Variants in PCSK5 observed in about 807,000 individuals in gnomAD.
PCSK5 encodes prohormone convertase 5.
A neutral mutation model predicts 233.2 loss-of-function variants in PCSK5; 129 were observed. The ratio of observed to expected loss-of-function variants is 0.55; its 90% CI spans 0.48 to 0.64. PCSK5 has a LOEUF of 0.64. Among genes scored for constraint, PCSK5 ranks in the 30% least tolerant of loss-of-function variants. PCSK5 has a pLI of 0.00. For missense variants in PCSK5, 2,076 were observed against 2,430.1 expected, an observed-to-expected ratio of 0.85 and a Z score of 3.06; for synonymous variants, 825 against 879.2, an observed-to-expected ratio of 0.94 and a Z score of 1.09.
intron 7 of PCSK5, among the ~76,000 whole-genome samples, chr9:76,079,039 G>A (rs182200485): frequency 1.3e-3 from 203 of 151,076 alleles, no homozygotes; most frequent in African/African-American, 4.4e-3. Flanking sequence ...CATCTTTCAC[G>A]TCCTTGGTTA....
chr9:76,346,308 C>A (rs1829980065), intron 35 of PCSK5, among the ~76,000 whole-genome samples: 1 of 152,130 alleles, frequency 6.6e-6, no homozygotes, highest in Non-Finnish European at 1.5e-5. Context: ...TATAGAAATA[C>A]TATGAATGTC....
chr9:76,136,559 G>T (rs1283525385), intron 10 of PCSK5, among the ~76,000 whole-genome samples: 1 of 152,032 alleles, frequency 6.6e-6, no homozygotes, highest in Non-Finnish European at 1.5e-5. Context: ...GAAGTTGCCT[G>T]CCTACAGAAG....
chr9:76,238,907 A>G, intron 22 of PCSK5, 52 bp from the exon 23 acceptor site: 1 of 1,313,304 alleles, frequency 7.6e-7, no homozygotes, highest in Non-Finnish European at 1.1e-6. Flanking sequence ...TAATAGCTTC[A>G]TGGCTAACTT....
At chr9:76,317,442 T>C (rs983611294) in intron 30 of PCSK5, among the ~76,000 whole-genome samples, 4 of 152,258 alleles carry the variant, frequency 2.6e-5, no homozygotes, top group African/African-American at 9.6e-5. Flanking sequence ...TATTTTTGTT[T>C]ACTGAATGCA....
chr9:76,128,460 G>A (rs970755111), intron 9 of PCSK5, among the ~76,000 whole-genome samples: 1 of 152,144 alleles, frequency 6.6e-6, no homozygotes, highest in Non-Finnish European at 1.5e-5. Context: ...AGCTTATGTA[G>A]CAAAGTATTT....
intron 2 of PCSK5, 138 bp downstream of exon 2, chr9:75,932,621 A>G (rs1452542346): frequency 4.8e-6 from 3 of 623,438 alleles, no homozygotes; most frequent in East Asian, 2.8e-5. Context: ...TCTAGTGTCT[A>G]TGCTTCCTCT....
intron 1 of PCSK5, among the ~76,000 whole-genome samples, chr9:75,891,869 G>C (rs1045072009): frequency 6.6e-6 from 1 of 152,078 alleles, no homozygotes; most frequent in Non-Finnish European, 1.5e-5. Flanking sequence ...TCTTGGGCGA[G>C]AGAACCTCTG....
At chr9:76,116,369 T>G (rs560407169) in intron 9 of PCSK5, among the ~76,000 whole-genome samples, 16 of 152,250 alleles carry the variant, frequency 1.1e-4, no homozygotes, top group African/African-American at 3.4e-4. Context: ...CTGAACCTTA[T>G]TGAGTAAGCA....
Position 76,238,939 on chromosome 9 carries a change from T to C in PCSK5, c.2867-20T>C, listed in dbSNP as rs1234319399. On this transcript the variant is annotated intron_variant, in intron 22 of 37. Transcript: ENST00000674117. ...ACTTTGTACATTTTCCCTCTTTTCG[T>C]TGCCCCTGTAACTGATCAGACAACT... 1.3e-6 allele frequency: 2 copies of C among 1,570,050 alleles called. No individual in the cohort carries two copies. The highest frequency in any genetic ancestry group is 1.8e-6 in the Non-Finnish European group (2 of 1,142,578).
At chr9:76,119,853 A>G (rs908225746) in intron 9 of PCSK5, among the ~76,000 whole-genome samples, 1 of 151,936 alleles carries the variant, frequency 6.6e-6, no homozygotes, top group Admixed American at 6.6e-5. Flanking sequence ...GACTATAGTC[A>G]CCCTGCTGTG....
intron 23 of PCSK5, among the ~76,000 whole-genome samples, chr9:76,239,767 G>A (rs573141897): frequency 6.6e-6 from 1 of 151,960 alleles, no homozygotes; most frequent in Non-Finnish European, 1.5e-5. Flanking sequence ...TGGGGGGATT[G>A]TGGACAGGAT....
intron 23 of PCSK5, among the ~76,000 whole-genome samples, chr9:76,239,702 A>G (rs554796435): frequency 1.6e-5 from 2 of 128,552 alleles, no homozygotes; most frequent in Admixed American, 8.6e-5. Context: ...TCTCAAAAAA[A>G]AAAAAAAAGA....
chr9:75,915,759 A>T (rs1426860534), intron 1 of PCSK5, among the ~76,000 whole-genome samples: 1 of 152,230 alleles, frequency 6.6e-6, no homozygotes. Context: ...AATGGTCCAG[A>T]TAAGTATAAG....
At chr9:76,296,096 T>C (rs996779514) in intron 26 of PCSK5, among the ~76,000 whole-genome samples, 3 of 152,198 alleles carry the variant, frequency 2.0e-5, no homozygotes, top group African/African-American at 7.2e-5. Flanking sequence ...GTTGGATTTT[T>C]TTAGATGGAG....
chr9:76,155,050 A>G (rs56400706), intron 10 of PCSK5, among the ~76,000 whole-genome samples: 30,817 of 152,160 alleles, frequency 0.2, 3,350 homozygotes, highest in Admixed American at 0.23. Context: ...GAATATGCTT[A>G]CTTTTTAATT....
chr9:76,048,219 G>A (rs1464939289), intron 5 of PCSK5, among the ~76,000 whole-genome samples: 1 of 152,098 alleles, frequency 6.6e-6, no homozygotes, highest in African/African-American at 2.4e-5. Context: ...GACTTTTATT[G>A]TTTGTTTGCA....
chr9:76,145,852 C>G (rs921541892), intron 10 of PCSK5, among the ~76,000 whole-genome samples: 2 of 152,086 alleles, frequency 1.3e-5, no homozygotes, highest in African/African-American at 4.8e-5. Context: ...GTATTGGTGC[C>G]AATGTCTGTA....
chr9:76,145,510 T>A (rs1251256732), intron 10 of PCSK5, among the ~76,000 whole-genome samples: 1 of 152,174 alleles, frequency 6.6e-6, no homozygotes, highest in Non-Finnish European at 1.5e-5. Context: ...GGCATAGAGC[T>A]TTAAATGTGA....
intron 20 of PCSK5, among the ~76,000 whole-genome samples, chr9:76,214,911 G>A (rs533734247): frequency 3.0e-4 from 46 of 152,228 alleles, no homozygotes; most frequent in Admixed American, 1.7e-3. Flanking sequence ...CTGGACTTAC[G>A]CTCCCCAAAC....
Sources: allele counts gnomAD v4.1 joint callset (sites outside exome capture counted in the v4.1 genomes callset), GRCh38; gene constraint gnomAD v4.1.1; transcripts MANE v1.5; gene names NCBI Gene and HGNC (gene_info 2026-07-23, HGNC 2026-07-21).